The following TMEM9 variants were observed in gnomAD, a reference collection of about 807,000 sequenced individuals.
The protein encoded by TMEM9 is proton-transporting V-type ATPase complex assembly regulator TMEM9.
In TMEM9, 13 loss-of-function variants were observed where a neutral mutation model predicts 22.8. The ratio of observed to expected loss-of-function variants is 0.57; its 90% CI spans 0.37 to 0.91. The LOEUF (loss-of-function observed/expected upper bound fraction) is 0.91, where lower values mean the gene tolerates loss of function less well. Ranked by LOEUF, TMEM9 falls within the 40% of genes least tolerant of loss-of-function variation. The probability of loss-of-function intolerance (pLI) is 0.01; values close to 1 mark genes in which losing one functional copy is unlikely to be tolerated. For synonymous variants in TMEM9, 88 were observed against 93.0 expected, an observed-to-expected ratio of 0.95 and a Z score of 0.31; for missense variants, 182 against 238.1, an observed-to-expected ratio of 0.76 and a Z score of 1.55.
At chr1:201,142,070 G>GAAAC (rs1664573177) in intron 4 of TMEM9, among the ~76,000 whole-genome samples, 1 of 152,170 alleles carries the variant, frequency 6.6e-6, no homozygotes, top group South Asian at 2.1e-4. Flanking sequence ...AACCAGGTAG[G>GAAAC]CACACGAGGT....
chr1:201,150,155 TG>T (rs749639013), intron 2 of TMEM9, among the ~76,000 whole-genome samples: 26 of 152,198 alleles, frequency 1.7e-4, no homozygotes, highest in Non-Finnish European at 3.2e-4. Context: ...ATAAGGAGTT[TG>T]GGATATAGCC....
intron 4 of TMEM9, among the ~76,000 whole-genome samples, chr1:201,139,781 C>T (rs1664353506): frequency 6.6e-6 from 1 of 152,216 alleles, no homozygotes; most frequent in African/African-American, 2.4e-5. Flanking sequence ...CACACGATCG[C>T]AACAGTTATG....
intron 1 of TMEM9, among the ~76,000 whole-genome samples, chr1:201,167,986 T>G (rs1213468607): frequency 1.3e-5 from 2 of 152,224 alleles, no homozygotes; most frequent in Non-Finnish European, 2.9e-5. Flanking sequence ...TTTTGCCTGT[T>G]TTGAACTTCC....
intron 2 of TMEM9, among the ~76,000 whole-genome samples, chr1:201,150,697 G>A (rs1665355170): frequency 6.6e-6 from 1 of 152,132 alleles, no homozygotes; most frequent in African/African-American, 2.4e-5. Context: ...CTCGAGTGTT[G>A]CTCTGGATCA....
At chr1:201,139,727 T>A (rs770834435) in intron 4 of TMEM9, among the ~76,000 whole-genome samples, 1 of 152,206 alleles carries the variant, frequency 6.6e-6, no homozygotes, top group Non-Finnish European at 1.5e-5. Context: ...CTGATTGAAA[T>A]AGCGCATTCT....
At chr1:201,143,764 T>A in intron 4 of TMEM9, 56 bp downstream of exon 4, 1 of 1,595,388 alleles carries the variant, frequency 6.3e-7, no homozygotes, top group Non-Finnish European at 8.6e-7. Flanking sequence ...CTCTGGGTTT[T>A]GCCCTGGGGA....
intron 4 of TMEM9, among the ~76,000 whole-genome samples, chr1:201,138,849 A>G (rs1664245012): frequency 6.6e-6 from 1 of 152,188 alleles, no homozygotes; most frequent in Admixed American, 6.5e-5. Flanking sequence ...CCATGTACGT[A>G]TATCTCTTAT....
rs1201926793 is a variant in TMEM9 at position 201,143,942 on chromosome 1, C to T, written c.277G>A (p.Val93Ile). Residue 93 changes from valine (V) to isoleucine (I), a missense_variant, in exon 4 of 5, where the codon GTC becomes ATC. Coordinates refer to ENST00000367330, the MANE Select transcript of TMEM9 (RefSeq NM_001288565.2). ...RSTTTIKVII[V>I]IYLSVVGALL... ...GCACCCACCACGGACAGGTAGATGACAATGATGACCTGAGGAAGAGACCGG... is the reference window on the plus strand; with the variant it reads ...GCACCCACCACGGACAGGTAGATGATAATGATGACCTGAGGAAGAGACCGG... 1.2e-6 allele frequency: 2 copies of T among 1,614,124 alleles called. No homozygotes were observed. Among genetic ancestry groups the T allele is most frequent in the African/African-American group, 2.7e-5 (2 of 75,044 alleles).
chr1:201,140,234 A>C (rs1664402024), intron 4 of TMEM9, among the ~76,000 whole-genome samples: 1 of 152,200 alleles, frequency 6.6e-6, no homozygotes, highest in East Asian at 1.9e-4. Context: ...CAGGGTGAGC[A>C]CTTTGAAGAC....
intron 1 of TMEM9, among the ~76,000 whole-genome samples, chr1:201,152,116 A>G (rs1665472777): frequency 1.3e-5 from 2 of 152,102 alleles, no homozygotes. Context: ...GCCAGTCCCA[A>G]AGCAGGTACT....
At chr1:201,154,661 G>C (rs1329695992), upstream of TMEM9, among the ~76,000 whole-genome samples, 1 of 152,216 alleles carries the variant, frequency 6.6e-6, no homozygotes, top group African/African-American at 2.4e-5. Flanking sequence ...AACTCCTGGG[G>C]AAGGGTCTTG....
At chr1:201,158,891 G>T (rs1032159693), upstream of TMEM9, among the ~76,000 whole-genome samples, 1 of 152,118 alleles carries the variant, frequency 6.6e-6, no homozygotes, top group African/African-American at 2.4e-5. Context: ...GTGGGTCTGG[G>T]TTCTTCCTCA....
In TMEM9 at chr1:201,143,917, GCACCCAC is replaced by G; in HGVS notation, c.295_301del (p.Val99ProfsTer9). ...CAGGAAGGCCATGTAGAGCAACAGGGCACCCACCACGGACAGGTAGATGACAATGATG... is the reference window on the plus strand; with the variant it reads ...CAGGAAGGCCATGTAGAGCAACAGGGCACGGACAGGTAGATGACAATGATG... On this transcript the variant is annotated frameshift_variant, in exon 4 of 5. Coordinates refer to ENST00000367330, the MANE Select transcript of TMEM9 (RefSeq NM_001288565.2). LOFTEE classifies it high-confidence loss of function. 3.7e-6 allele frequency: 6 copies of G among 1,614,118 alleles called. No homozygotes were observed. The highest frequency in any genetic ancestry group is 5.1e-6 in the Non-Finnish European group (6 of 1,179,992).
chr1:201,144,429 G>C (rs747563737), intron 3 of TMEM9: 5 of 171,786 alleles, frequency 2.9e-5, no homozygotes, highest in Non-Finnish European at 6.3e-5. Flanking sequence ...CGGATGGGGC[G>C]CGCTGGCCCA....
intron 2 of TMEM9, among the ~76,000 whole-genome samples, chr1:201,147,948 G>A (rs990232753): frequency 4.6e-5 from 7 of 151,968 alleles, no homozygotes; most frequent in East Asian, 3.8e-4. Context: ...CCAACCCCCC[G>A]CCAATGCACT....
chr1:201,140,150 T>C (rs1442332078), intron 4 of TMEM9, among the ~76,000 whole-genome samples: 2 of 152,200 alleles, frequency 1.3e-5, no homozygotes, highest in Non-Finnish European at 2.9e-5. Context: ...GTTCCCATCA[T>C]CATCATCACC....
chr1:201,136,444 T>C (rs1014084252), intron 4 of TMEM9, among the ~76,000 whole-genome samples: 3 of 152,116 alleles, frequency 2.0e-5, no homozygotes, highest in Non-Finnish European at 4.4e-5. Context: ...TAGATCCAGA[T>C]CCATGGGATC....
Position 201,154,160 on chromosome 1 carries a change from G to C in TMEM9, c.-237C>G. Reference sequence around the variant, plus strand: ...CTCCGCCAGCCACCTGGTGAGCCCGGCAGAGGGGTCCTCGAGGGGACACCG... The same window carrying C: ...CTCCGCCAGCCACCTGGTGAGCCCGCCAGAGGGGTCCTCGAGGGGACACCG... On this transcript the variant is annotated 5_prime_UTR_variant, in exon 1 of 5. Coordinates refer to ENST00000367330, the MANE Select transcript of TMEM9 (RefSeq NM_001288565.2). 1.9e-6 allele frequency: 1 copy of C among 527,316 alleles called. No individual in the cohort carries two copies. Among genetic ancestry groups the C allele is most frequent in the Admixed American group, 3.6e-5 (1 of 27,804 alleles). The allele number at this position is 527,316 out of a possible 1,614,324, so 32.7% of individuals were successfully genotyped here. A position where few individuals can be genotyped will look rare whatever the true frequency, so the allele number is the denominator to read the frequency against.
At chr1:201,162,087 T>C (rs1022845570) in intron 1 of TMEM9, among the ~76,000 whole-genome samples, 7 of 152,072 alleles carry the variant, frequency 4.6e-5, no homozygotes, top group Non-Finnish European at 8.8e-5. Context: ...TACATATGAG[T>C]GATCAAGAGT....
Sources: allele counts gnomAD v4.1 joint callset (sites outside exome capture counted in the v4.1 genomes callset), GRCh38; gene constraint gnomAD v4.1.1; transcripts MANE v1.5; gene names NCBI Gene and HGNC (gene_info 2026-07-23, HGNC 2026-07-21).